Variants in CEP63 observed in about 807,000 individuals in gnomAD.
CEP63 encodes the protein centrosomal protein of 63 kDa.
Under a neutral mutation model 89.1 loss-of-function variants are expected in CEP63, and 84 were observed. That is an observed-to-expected ratio of 0.94 (90% CI 0.79 to 1.13). The LOEUF is 1.13. Among genes scored for constraint, CEP63 ranks in the 50% most tolerant of loss-of-function variants. The probability of loss-of-function intolerance (pLI) is 0.00; values close to 1 mark genes in which losing one functional copy is unlikely to be tolerated. For missense variants in CEP63, 838 were observed against 813.3 expected (o/e 1.03, Z -0.37); for synonymous variants, 267 against 272.5 (o/e 0.98, Z 0.20).
At chr3:134,612,478 G>A in the CEP63 span, among the ~76,000 whole-genome samples, 1 of 152,128 alleles carries the variant, frequency 6.6e-6, no homozygotes, top group African/African-American at 2.4e-5. Context: ...GGCTGAGGGG[G>A]TTGTTCTCAG....
chr3:134,564,843 G>A lies in CEP63; in HGVS notation c.*3308G>A. The A allele has an allele frequency of 1.0e-6, 1 of 985,320 alleles. No individual in the cohort carries two copies. The highest frequency in any genetic ancestry group is 1.2e-6 in the Non-Finnish European group (1 of 829,862). 61.0% of individuals were successfully genotyped at this position (985,320 alleles called of 1,614,324 possible). ...AGGAGGAACAATGACAGACTCTGTA[G>A]TCACCGGAAATACTTAAGGAATCAT... On this transcript the variant is annotated 3_prime_UTR_variant, in exon 15 of 15. Coordinates refer to ENST00000675561, the MANE Select transcript of CEP63 (RefSeq NM_001353108.3).
chr3:134,607,996 C>G, the CEP63 span: 1 of 1,035,536 alleles, frequency 9.7e-7, no homozygotes. Context: ...GCTACTAGGC[C>G]TGTTCTCCTC....
At chr3:134,723,414 G>A in the CEP63 span, among the ~76,000 whole-genome samples, 1 of 152,186 alleles carries the variant, frequency 6.6e-6, no homozygotes, top group Non-Finnish European at 1.5e-5. Flanking sequence ...AGAAGGATAA[G>A]AAATACGTGT....
At chr3:134,500,564 C>T (rs187470854) in intron 2 of CEP63, among the ~76,000 whole-genome samples, 10 of 152,294 alleles carry the variant, frequency 6.6e-5, no homozygotes, top group South Asian at 2.1e-4. Flanking sequence ...TTCCCACCAA[C>T]GGTGTTGCCT....
intron 3 of CEP63, among the ~76,000 whole-genome samples, chr3:134,519,844 C>T (rs1438094796): frequency 6.6e-6 from 1 of 151,972 alleles, no homozygotes; most frequent in Non-Finnish European, 1.5e-5. Flanking sequence ...TATCTCAATC[C>T]AGGAAAAGAA....
chr3:134,673,290 C>A, the CEP63 span, among the ~76,000 whole-genome samples: 1 of 152,324 alleles, frequency 6.6e-6, no homozygotes. Flanking sequence ...TCTCCAACCA[C>A]AACCTGACGT....
chr3:134,619,728 G>T, the CEP63 span, among the ~76,000 whole-genome samples: 1 of 152,384 alleles, frequency 6.6e-6, no homozygotes, highest in African/African-American at 2.4e-5. Context: ...ACATTGCAAA[G>T]AAGCCTGAGG....
At chr3:134,704,397 A>C in the CEP63 span, among the ~76,000 whole-genome samples, 1 of 152,264 alleles carries the variant, frequency 6.6e-6, no homozygotes, top group East Asian at 1.9e-4. Context: ...GTAGACATTT[A>C]GTAGGGGAGG....
chr3:134,751,526 T>G, the CEP63 span, among the ~76,000 whole-genome samples: 2,173 of 152,210 alleles, frequency 0.014, 23 homozygotes, highest in Middle Eastern at 0.031. Context: ...GAGAGATGGC[T>G]CCGAGGTTCT....
chr3:134,748,062 G>T, the CEP63 span, among the ~76,000 whole-genome samples: 1 of 152,182 alleles, frequency 6.6e-6, no homozygotes, highest in Non-Finnish European at 1.5e-5. Context: ...GGGATTACAG[G>T]CATGAGCCAC....
the CEP63 span, among the ~76,000 whole-genome samples, chr3:134,740,358 T>C: frequency 3.3e-5 from 5 of 151,944 alleles, no homozygotes; most frequent in South Asian, 1.0e-3. Context: ...AGTGCAGTGG[T>C]GCAATCTCAG....
the CEP63 span, among the ~76,000 whole-genome samples, chr3:134,647,867 C>T: frequency 6.6e-6 from 1 of 152,218 alleles, no homozygotes; most frequent in Non-Finnish European, 1.5e-5. Context: ...GAATCACCCA[C>T]TTTTAGAGTC....
the CEP63 span, chr3:134,647,377 T>G: frequency 7.6e-7 from 1 of 1,315,974 alleles, no homozygotes; most frequent in South Asian, 1.3e-5. Context: ...AACCCAATTC[T>G]TCCAGTTATT....
intron 6 of CEP63, among the ~76,000 whole-genome samples, chr3:134,538,113 A>G (rs867920566): frequency 1.1e-4 from 17 of 150,120 alleles, no homozygotes; most frequent in African/African-American, 4.2e-4. Context: ...GTTTAATATT[A>G]TGATAATCTG....
the CEP63 span, among the ~76,000 whole-genome samples, chr3:134,735,370 A>G: frequency 6.6e-6 from 1 of 152,124 alleles, no homozygotes; most frequent in African/African-American, 2.4e-5. Flanking sequence ...AAACTTATCT[A>G]ACACATGTAT....
the CEP63 span, among the ~76,000 whole-genome samples, chr3:134,680,026 A>G: frequency 6.6e-6 from 1 of 152,170 alleles, no homozygotes; most frequent in African/African-American, 2.4e-5. Context: ...TACCTGGCCA[A>G]CTGGTGTTCT....
chr3:134,579,006 C>T (rs1013257794), downstream of CEP63, among the ~76,000 whole-genome samples: 6 of 152,226 alleles, frequency 3.9e-5, no homozygotes, highest in Non-Finnish European at 8.8e-5. Flanking sequence ...GATCCACCTG[C>T]CTTGGCCTCC....
the CEP63 span, among the ~76,000 whole-genome samples, chr3:134,644,871 C>A: frequency 6.6e-6 from 1 of 152,230 alleles, no homozygotes; most frequent in Non-Finnish European, 1.5e-5. Flanking sequence ...GAGCCCCACA[C>A]TAGTCAGCCA....
At chr3:134,651,242 C>G in the CEP63 span, 1 of 1,237,978 alleles carries the variant, frequency 8.1e-7, no homozygotes, top group East Asian at 4.7e-5. Context: ...CCATAGTCAG[C>G]AGGGGCGGCC....
Sources: gnomAD v4.1 joint callset for allele counts (sites outside exome capture counted in the v4.1 genomes callset) on GRCh38, gnomAD v4.1.1 for gene constraint, MANE v1.5 for transcripts, NCBI Gene and HGNC (gene_info 2026-07-23, HGNC 2026-07-21) for gene names.